Variants in WDR49 observed in about 807,000 individuals in gnomAD.
WDR49 encodes the protein cilia- and flagella-associated protein 337.
Under a neutral mutation model 119.5 loss-of-function variants are expected in WDR49, and 107 were observed. That is an observed-to-expected ratio of 0.90 (90% confidence interval 0.77 to 1.05). The LOEUF (loss-of-function observed/expected upper bound fraction) is 1.05. Among genes scored for constraint, WDR49 ranks in the 50% least tolerant of loss-of-function variants. The pLI is 0.00. For synonymous variants in WDR49, 425 were observed against 418.8 expected (o/e 1.01, Z -0.18); for missense variants, 1,240 against 1,220.5 (o/e 1.02, Z -0.24).
intron 2 of WDR49, among the ~76,000 whole-genome samples, chr3:167,646,817 C>T (rs1003828753): frequency 3.3e-5 from 5 of 152,032 alleles, no homozygotes; most frequent in Admixed American, 6.6e-5. Context: ...ACAGAGATGT[C>T]GGTGCCTAGA....
chr3:167,588,055 T>C (rs1714909666), intron 7 of WDR49, among the ~76,000 whole-genome samples: 1 of 152,170 alleles, frequency 6.6e-6, no homozygotes, highest in African/African-American at 2.4e-5. Context: ...TAATTCTTTC[T>C]ATTTTTTATA....
chr3:167,559,429 C>A (rs1377403139), intron 9 of WDR49, among the ~76,000 whole-genome samples: 1 of 152,100 alleles, frequency 6.6e-6, no homozygotes, highest in Non-Finnish European at 1.5e-5. Flanking sequence ...TATCAAGTAT[C>A]TAGTTTTTCA....
At chr3:167,628,000 C>G (rs1717209821) in intron 2 of WDR49, among the ~76,000 whole-genome samples, 1 of 152,080 alleles carries the variant, frequency 6.6e-6, no homozygotes, top group South Asian at 2.1e-4. Flanking sequence ...ATTATTATAT[C>G]TGTTATGGTG....
chr3:167,541,726 G>T (rs779387631), intron 10 of WDR49, among the ~76,000 whole-genome samples: 2 of 151,960 alleles, frequency 1.3e-5, no homozygotes, highest in Non-Finnish European at 2.9e-5. Context: ...AATGTAAAAG[G>T]CCTAAATGCT....
chr3:167,541,780 A>C (rs551446475), intron 10 of WDR49, among the ~76,000 whole-genome samples: 1 of 152,278 alleles, frequency 6.6e-6, no homozygotes, highest in African/African-American at 2.4e-5. Context: ...AAAATCCACC[A>C]GTCAAGTATC....
intron 8 of WDR49, among the ~76,000 whole-genome samples, chr3:167,571,643 A>G (rs191436820): frequency 1.3e-5 from 2 of 152,324 alleles, no homozygotes; most frequent in East Asian, 3.9e-4. Flanking sequence ...ATATTCTAAC[A>G]TATTATTGAA....
intron 17 of WDR49, among the ~76,000 whole-genome samples, chr3:167,501,985 A>G (rs1751589726): frequency 6.6e-6 from 1 of 152,160 alleles, no homozygotes; most frequent in Non-Finnish European, 1.5e-5. Flanking sequence ...CTCATGTGGA[A>G]TTGTAATCCC....
intron 18 of WDR49, among the ~76,000 whole-genome samples, chr3:167,482,595 C>T (rs1488043708): frequency 6.7e-6 from 1 of 149,648 alleles, no homozygotes; most frequent in Admixed American, 6.7e-5. Context: ...AGGAGAATGG[C>T]GTGAACCCGG....
chr3:167,549,563 G>A (rs1329174050), intron 10 of WDR49, among the ~76,000 whole-genome samples: 1 of 152,078 alleles, frequency 6.6e-6, no homozygotes, highest in Non-Finnish European at 1.5e-5. Context: ...TTGTAAATTT[G>A]TTTAAGTTCT....
intron 2 of WDR49, among the ~76,000 whole-genome samples, chr3:167,635,750 A>T (rs1717587524): frequency 6.6e-6 from 1 of 151,554 alleles, no homozygotes; most frequent in Admixed American, 6.6e-5. Context: ...AGATCCTGAA[A>T]ATAAATGTCA....
chr3:167,605,107 C>T (rs925130101), intron 5 of WDR49, among the ~76,000 whole-genome samples: 16 of 141,026 alleles, frequency 1.1e-4, no homozygotes, highest in East Asian at 2.9e-4. Flanking sequence ...TATATATACA[C>T]ACACACACAC....
rs1711742682 is a variant in WDR49 at position 167,540,422 on chromosome 3, A to G, written c.1824-3422T>C. On this transcript the variant is annotated intron_variant, in intron 10 of 18. Coordinates refer to ENST00000682715, the MANE Select transcript of WDR49 (RefSeq NM_001366157.1). ...AGGCTGGTAGTCCCACTGGGTGACT[A>G]GACCCAGAAGAGCAGTAACAATCAC... Among the ~76,000 whole-genome samples the G allele has an allele frequency of 4.6e-5, 7 of 152,220 alleles. No homozygotes were observed. In the South Asian group the frequency reaches 1.5e-3, roughly 32 times the overall value.
intron 7 of WDR49, among the ~76,000 whole-genome samples, chr3:167,596,950 GAA>G (rs528182004): frequency 1.7e-4 from 21 of 127,010 alleles, no homozygotes; most frequent in African/African-American, 5.3e-4. Flanking sequence ...ACTCAAAATG[GAA>G]AAAAAAAAAA....
chr3:167,495,947 G>A (rs1751340523), intron 18 of WDR49, among the ~76,000 whole-genome samples: 1 of 126,136 alleles, frequency 7.9e-6, no homozygotes, highest in Non-Finnish European at 1.7e-5. Context: ...CAAATCCAAT[G>A]AAAAATCCTT....
chr3:167,599,094 C>G (rs188654287), intron 7 of WDR49, among the ~76,000 whole-genome samples: 44 of 152,252 alleles, frequency 2.9e-4, no homozygotes, highest in Admixed American at 2.8e-3. Flanking sequence ...CTGGCTACCA[C>G]CTATGTTTTC....
intron 7 of WDR49, among the ~76,000 whole-genome samples, chr3:167,597,225 G>A (rs959617935): frequency 6.6e-6 from 1 of 152,256 alleles, no homozygotes; most frequent in Non-Finnish European, 1.5e-5. Context: ...GCTAAAAGGG[G>A]CCAAGGTACA....
intron 10 of WDR49, among the ~76,000 whole-genome samples, chr3:167,546,046 T>A (rs1432824479): frequency 6.6e-6 from 1 of 151,796 alleles, no homozygotes; most frequent in African/African-American, 2.4e-5. Context: ...ACTGGTAAGT[T>A]TGGTTGAAAG....
In WDR49 at chr3:167,525,067, C is replaced by A. The variant is rs558743236; in HGVS notation, c.2605-2583G>T. On this transcript the variant is annotated intron_variant, in intron 15 of 18. Coordinates refer to ENST00000682715, the MANE Select transcript of WDR49 (RefSeq NM_001366157.1). Reference sequence around the variant, plus strand: ...GGAGTGTTTTTCCATTTGTTTGTGTCCTCCCTGATTTCCTTGAGCAACGAT... The same window carrying A: ...GGAGTGTTTTTCCATTTGTTTGTGTACTCCCTGATTTCCTTGAGCAACGAT... Among the ~76,000 whole-genome samples the A allele has an allele frequency of 2.6e-5, 4 of 152,152 alleles. No homozygotes were observed. In the South Asian group the frequency reaches 8.3e-4, roughly 32 times the overall value.
intron 16 of WDR49, 109 bp from the exon 17 acceptor site, chr3:167,505,525 A>G (rs1048225537): frequency 1.5e-6 from 2 of 1,325,462 alleles, no homozygotes; most frequent in African/African-American, 1.5e-5. Context: ...AAAACAAAAA[A>G]TCTATTCCTG....
Sources: gnomAD v4.1 joint callset for allele counts (sites outside exome capture counted in the v4.1 genomes callset) on GRCh38, gnomAD v4.1.1 for gene constraint, MANE v1.5 for transcripts, NCBI Gene and HGNC (gene_info 2026-07-23, HGNC 2026-07-21) for gene names.